NSFL1C: variants seen among roughly 807,000 people sequenced by gnomAD.
NSFL1C encodes NSFL1 cofactor, also known as NSFL1 cofactor p47.
Under a neutral mutation model 43.1 loss-of-function variants are expected in NSFL1C, and 14 were observed. That is an observed-to-expected ratio of 0.32 (90% CI 0.21 to 0.51). NSFL1C has a LOEUF of 0.51. NSFL1C is among the 20% of genes least tolerant of loss of function. The probability of loss-of-function intolerance (pLI) is 0.98; values close to 1 mark genes in which losing one functional copy is unlikely to be tolerated. For missense variants in NSFL1C, 406 were observed against 472.5 expected, an observed-to-expected ratio of 0.86 and a Z score of 1.30; for synonymous variants, 171 against 183.5, an observed-to-expected ratio of 0.93 and a Z score of 0.55.
chr20:1,466,022 C>T (rs74759040), intron 1 of NSFL1C, among the ~76,000 whole-genome samples: 1,614 of 152,328 alleles, frequency 0.011, 15 homozygotes, highest in Non-Finnish European at 0.016. Context: ...AATATTTATG[C>T]AATTCTTTCT....
At chr20:1,446,602 T>C (rs192947521) in intron 7 of NSFL1C, among the ~76,000 whole-genome samples, 3 of 152,358 alleles carry the variant, frequency 2.0e-5, no homozygotes, top group East Asian at 1.9e-4. Flanking sequence ...GGTTAAGGCA[T>C]AGGCCTTGCT....
chr20:1,455,170 G>A, intron 3 of NSFL1C, 38 bp from the exon 4 acceptor site: 1 of 1,612,180 alleles, frequency 6.2e-7, no homozygotes, highest in Non-Finnish European at 8.5e-7. Flanking sequence ...AAACACTCAT[G>A]GAAAACATGA....
At chr20:1,446,258 A>T (rs941262003) in intron 7 of NSFL1C, 1 of 252,054 alleles carries the variant, frequency 4.0e-6, no homozygotes, top group Non-Finnish European at 8.1e-6. Context: ...CAGCTGAGGC[A>T]GCCTTGGCAC....
intron 8 of NSFL1C, among the ~76,000 whole-genome samples, chr20:1,444,344 C>T (rs1390040133): frequency 1.3e-5 from 2 of 152,238 alleles, no homozygotes; most frequent in Non-Finnish European, 2.9e-5. Flanking sequence ...CCATCCCTGG[C>T]CCTCCTTCCA....
intron 7 of NSFL1C, among the ~76,000 whole-genome samples, chr20:1,449,848 CG>C (rs1001968349): frequency 1.3e-5 from 2 of 152,126 alleles, no homozygotes; most frequent in Non-Finnish European, 2.9e-5. Flanking sequence ...ACAGAAGGCA[CG>C]GGAGCAGCTA....
intron 1 of NSFL1C, 100 bp from the exon 2 acceptor site, chr20:1,464,526 A>C: frequency 1.1e-6 from 1 of 936,272 alleles, no homozygotes; most frequent in Non-Finnish European, 1.7e-6. Flanking sequence ...CAACACTTAC[A>C]AGGTAGCTTG....
chr20:1,462,480 C>T (rs1207294127), intron 2 of NSFL1C, among the ~76,000 whole-genome samples: 2 of 151,996 alleles, frequency 1.3e-5, no homozygotes, highest in South Asian at 4.1e-4. Context: ...TTACTCACTT[C>T]AGTTCTAATG....
At position 1,454,696 on chromosome 20, in the gene NSFL1C, A is replaced by G. The variant is rs545021031; in HGVS notation, c.444+271T>C. 3.3e-5 allele frequency among the ~76,000 whole-genome samples: 5 copies of G among 152,372 alleles called. No homozygotes were observed. In the South Asian group the frequency reaches 1.0e-3, roughly 32 times the overall value. On this transcript the variant is annotated intron_variant, in intron 4 of 8. Transcript: ENST00000216879. ...GATGACTATTAATTCAAGTAAAACA[A>G]AATAAAACACTAAGTCAGTCAAATT...
intron 7 of NSFL1C, among the ~76,000 whole-genome samples, chr20:1,448,571 G>T (rs1240681931): frequency 6.6e-6 from 1 of 152,184 alleles, no homozygotes; most frequent in East Asian, 1.9e-4. Flanking sequence ...CTTCTGACTG[G>T]CTGTTTCTCT....
intron 7 of NSFL1C, among the ~76,000 whole-genome samples, chr20:1,447,824 T>C (rs985754620): frequency 1.3e-5 from 2 of 152,100 alleles, no homozygotes; most frequent in African/African-American, 4.8e-5. Context: ...GCAGGTATTG[T>C]CTAAAGGGGC....
chr20:1,447,886 G>A (rs770837053), intron 7 of NSFL1C, among the ~76,000 whole-genome samples: 2 of 152,128 alleles, frequency 1.3e-5, no homozygotes, highest in Non-Finnish European at 2.9e-5. Flanking sequence ...TGAGAGGGGT[G>A]TATCTCCATT....
rs890763739 is a variant in NSFL1C, at chr20:1,443,667, G to C, written c.*82C>G. 7.5e-6 allele frequency: 11 copies of C among 1,476,232 alleles called. No individual in the cohort carries two copies. The highest frequency in any genetic ancestry group is 1.4e-5 in the African/African-American group (1 of 72,450). The allele number at this position is 1,476,232 out of a possible 1,614,324, so 91.4% of individuals were successfully genotyped here. A position where few individuals can be genotyped will look rare whatever the true frequency, so the allele number is the denominator to read the frequency against. On this transcript the variant is annotated 3_prime_UTR_variant, in exon 9 of 9. Transcript: ENST00000216879. ...CACTGGACTGCTGGGTGTGCACAAG[G>C]GGGCAGGAGGGGCGATCCCCATGGG...
chr20:1,444,476 A>T (rs2090015079), intron 8 of NSFL1C, among the ~76,000 whole-genome samples: 1 of 152,232 alleles, frequency 6.6e-6, no homozygotes, highest in Non-Finnish European at 1.5e-5. Flanking sequence ...TTAATGGTCA[A>T]CTTCTCAGGG....
intron 7 of NSFL1C, among the ~76,000 whole-genome samples, chr20:1,447,728 A>C (rs1287114913): frequency 6.6e-6 from 1 of 151,452 alleles, no homozygotes; most frequent in African/African-American, 2.4e-5. Flanking sequence ...CTAAGATGAG[A>C]AAGAAGCTGT....
chr20:1,453,667 A>G (rs1173646984), intron 5 of NSFL1C, among the ~76,000 whole-genome samples: 1 of 152,146 alleles, frequency 6.6e-6, no homozygotes, highest in Non-Finnish European at 1.5e-5. Flanking sequence ...TTTGGAATAA[A>G]ACCCAAAATG....
At chr20:1,462,759 G>A (rs984804555) in intron 2 of NSFL1C, among the ~76,000 whole-genome samples, 2 of 151,938 alleles carry the variant, frequency 1.3e-5, no homozygotes, top group Admixed American at 6.6e-5. Context: ...TCCTGACCTC[G>A]TGATCCACCA....
chr20:1,453,261 C>T (rs1447652423), intron 5 of NSFL1C, 121 bp from the exon 6 acceptor site: 2 of 654,032 alleles, frequency 3.1e-6, no homozygotes, highest in South Asian at 3.4e-5. Flanking sequence ...CATAGAGACA[C>T]ACATATATAC....
intron 7 of NSFL1C, among the ~76,000 whole-genome samples, chr20:1,451,905 A>G (rs1011724423): frequency 1.3e-5 from 2 of 152,220 alleles, no homozygotes; most frequent in African/African-American, 4.8e-5. Context: ...GAAGGGCCAA[A>G]TAAGTAGAAA....
chr20:1,466,024 A>T (rs1362414733), intron 1 of NSFL1C, among the ~76,000 whole-genome samples: 1 of 152,180 alleles, frequency 6.6e-6, no homozygotes, highest in Non-Finnish European at 1.5e-5. Flanking sequence ...TATTTATGCA[A>T]TTCTTTCTAC....
Sources: allele counts gnomAD v4.1 joint callset (sites outside exome capture counted in the v4.1 genomes callset), GRCh38; gene constraint gnomAD v4.1.1; transcripts MANE v1.5; gene names NCBI Gene and HGNC (gene_info 2026-07-23, HGNC 2026-07-21).